OCRL: variants seen among roughly 807,000 people sequenced by gnomAD.
OCRL encodes inositol polyphosphate 5-phosphatase OCRL.
In OCRL, 8 loss-of-function variants were observed where a neutral mutation model predicts 78.9. The ratio of observed to expected loss-of-function variants is 0.10; its 90% CI spans 0.06 to 0.18. The LOEUF (loss-of-function observed/expected upper bound fraction) is 0.18. Ranked by LOEUF, OCRL falls within the 10% of genes least tolerant of loss-of-function variation. The pLI is 1.00. For missense variants in OCRL, 454 were observed against 696.7 expected (o/e 0.65, Z 3.92); for synonymous variants, 240 against 235.4 (o/e 1.02, Z -0.18).
Position 129,590,288 on chromosome X carries a change from G to C in OCRL, c.*18G>C. 1 of 1,209,863 alleles carries C rather than the reference G, an allele frequency of 8.3e-7. No homozygotes were observed. Among genetic ancestry groups the C allele is most frequent in the Non-Finnish European group, 1.1e-6 (1 of 894,385 alleles). The stretch of plus-strand genomic sequence containing the variant: ...AAGACTAAGGCTTTTACTGTTCTCT[G>C]ATATTCTAGAAGCAGACGATCTCGG... On this transcript the variant is annotated 3_prime_UTR_variant, in exon 24 of 24. Coordinates refer to ENST00000371113, the MANE Select transcript of OCRL (RefSeq NM_000276.4).
chrX:129,587,767 G>C (rs998323533), intron 20 of OCRL, among the ~76,000 whole-genome samples: 19 of 108,718 alleles, frequency 1.7e-4, no homozygotes, highest in Non-Finnish European at 2.7e-4. Context: ...AGGCATGGTG[G>C]CTCATGCCTG....
chrX:129,548,604 G>A lies in OCRL; in HGVS notation c.238+3G>A, dbSNP rs916418013. 3 of 1,191,251 alleles carry A rather than the reference G, an allele frequency of 2.5e-6. No homozygotes were observed. The highest frequency in any genetic ancestry group is 3.0e-5 in the East Asian group (1 of 33,679). On this transcript the variant is annotated splice_donor_region_variant and intron_variant, in intron 4 of 23. Coordinates refer to ENST00000371113, the MANE Select transcript of OCRL (RefSeq NM_000276.4). ...TTTGATTGACATAGCTTCTAACAGT[G>A]AGTATCTTTCTGAATGTGCTTGATT...
chrX:129,566,235 G>A (rs951091799), intron 13 of OCRL, among the ~76,000 whole-genome samples: 3 of 111,895 alleles, frequency 2.7e-5, no homozygotes, highest in Non-Finnish European at 5.6e-5. Context: ...ATGTGGTTTG[G>A]CAGATGGAAC....
At chrX:129,590,052 G>A in intron 23 of OCRL, 94 bp from the exon 24 acceptor site, 2 of 1,175,592 alleles carry the variant, frequency 1.7e-6, no homozygotes, top group Non-Finnish European at 1.2e-6. Context: ...GCACATGGCA[G>A]TCAATAGTCC....
Position 129,557,354 on chromosome X carries a change from T to G in OCRL, c.268T>G (p.Trp90Gly). The change falls in exon 5 of 24, where the codon TGG (tryptophan) becomes GGG (glycine). Residue 90 changes from tryptophan (W) to glycine (G), a missense_variant. Physicochemically the swap from Trp to Gly is radical, Grantham distance 184 (BLOSUM62 -2). This residue lies in a region of OCRL where 177 missense variants were observed against 179.6 expected (regional missense o/e 0.99). Coordinates refer to ENST00000371113, the MANE Select transcript of OCRL (RefSeq NM_000276.4). ...SGCKIRVQGD[W>G]IRERRFEIPD... is the part of the protein sequence containing the mutation. ...CTGCAAAATTCGGGTTCAGGGGGAC[T>G]GGATCAGAGAGCGCCGCTTTGAAAT... 8.3e-7 allele frequency: 1 copy of G among 1,211,811 alleles called. No individual in the cohort carries two copies. The highest frequency in any genetic ancestry group is 1.1e-6 in the Non-Finnish European group (1 of 895,421).
In OCRL at chrX:129,583,236, C is replaced by G. The variant is rs753633449; in HGVS notation, c.2116-1108C>G. Among the ~76,000 whole-genome samples the G allele has an allele frequency of 2.7e-5, 3 of 112,229 alleles. No individual in the cohort carries two copies. The South Asian group carries it at 1.1e-3, about 42-fold the overall frequency. On this transcript the variant is annotated intron_variant, in intron 18 of 23. Coordinates refer to ENST00000371113, the MANE Select transcript of OCRL (RefSeq NM_000276.4). ...ACCCAAGCCTGTCCAACACCAGTGCCTATACTCTTTCCATTAACCACGCTG... is the reference window on the plus strand; with the variant it reads ...ACCCAAGCCTGTCCAACACCAGTGCGTATACTCTTTCCATTAACCACGCTG...
chrX:129,564,696 G>T (rs886946876), intron 12 of OCRL, among the ~76,000 whole-genome samples: 1 of 105,648 alleles, frequency 9.5e-6, no homozygotes, highest in African/African-American at 3.5e-5. Flanking sequence ...ACAGGAAGGG[G>T]AACATCACAC....
At chrX:129,571,984 G>T (rs866602686) in intron 15 of OCRL, among the ~76,000 whole-genome samples, 2 of 111,739 alleles carry the variant, frequency 1.8e-5, no homozygotes, top group African/African-American at 6.5e-5. Flanking sequence ...GAAATGTCCT[G>T]TATCTGTGCT....
chrX:129,562,818 T>C, intron 12 of OCRL, 32 bp downstream of exon 12: 2 of 1,145,940 alleles, frequency 1.7e-6, no homozygotes, highest in South Asian at 1.8e-5. Flanking sequence ...AGCCTTTGAG[T>C]AGTGGCTACA....
At chrX:129,561,749 ATTTG>A (rs1936148478) in intron 10 of OCRL, among the ~76,000 whole-genome samples, 1 of 111,576 alleles carries the variant, frequency 9.0e-6, no homozygotes, top group Non-Finnish European at 1.9e-5. Context: ...AGATGGGCCA[ATTTG>A]TTTGTCTTTA....
chrX:129,586,093 C>A (rs1279471818), intron 19 of OCRL, among the ~76,000 whole-genome samples: 3 of 111,598 alleles, frequency 2.7e-5, no homozygotes, highest in Non-Finnish European at 5.6e-5. Context: ...TTTACTATTT[C>A]AAACATTTTT....
At chrX:129,561,125 TAGCC>T (rs1384064740) in intron 9 of OCRL, 50 bp from the exon 10 acceptor site, 1 of 770,437 alleles carries the variant, frequency 1.3e-6, no homozygotes, top group African/African-American at 2.1e-5. Context: ...GGACAGGAGG[TAGCC>T]AGAGATAATT....
At position 129,547,263 on chromosome X, in the gene OCRL, G is replaced by C. The variant is rs56360227; in HGVS notation, c.200-1300G>C. ...AAAACCGGCTGGGCGCGGTGGCTCA[G>C]GCCTGTAATCCCAGCACTTTGGGAG... On this transcript the variant is annotated intron_variant, in intron 3 of 23. Transcript: ENST00000371113. Among the ~76,000 whole-genome samples, 636 of 109,811 alleles carry C rather than the reference G, an allele frequency of 5.8e-3. 8 individuals carry two copies. The highest frequency in any genetic ancestry group is 9.3e-3 in the Non-Finnish European group (488 of 52,617).
chrX:129,575,901 T>A lies in OCRL; in HGVS notation c.1718T>A (p.Val573Glu). ...TGTCTGTCTGTTATTCCCCAGTTTGTGTTTGAAAATGTGAAGTTTCGGCAA... is the reference window on the plus strand; with the variant it reads ...TGTCTGTCTGTTATTCCCCAGTTTGAGTTTGAAAATGTGAAGTTTCGGCAA... ...PSLELSRREF[V>E]FENVKFRQLQ... Residue 573 changes from valine (V) to glutamate (E), a missense_variant, in exon 17 of 24, where the codon GTG (valine) becomes GAG (glutamate). Val to Glu is a moderately radical substitution (Grantham distance 121). Coordinates refer to ENST00000371113, the MANE Select transcript of OCRL (RefSeq NM_000276.4). 8.3e-7 allele frequency: 1 copy of A among 1,211,850 alleles called. No homozygotes were observed.
Position 129,540,296 on chromosome X carries a change from T to G in OCRL, c.-144T>G, listed in dbSNP as rs1654550589. On this transcript the variant is annotated 5_prime_UTR_variant, in exon 1 of 24. Transcript: ENST00000371113. ...AGATTCTCAGCTCCCAGCTCCCCGC[T>G]CCCGGCTCCCGGCGCCCGGCGCCCG... 1.6e-6 allele frequency: 1 copy of G among 644,547 alleles called. No homozygotes were observed. Among genetic ancestry groups the G allele is most frequent in the Non-Finnish European group, 2.4e-6 (1 of 414,637 alleles). 53.1% of individuals were successfully genotyped at this position (644,547 alleles called of 1,213,427 possible).
intron 19 of OCRL, among the ~76,000 whole-genome samples, chrX:129,585,024 G>A (rs1228249935): frequency 8.9e-6 from 1 of 112,299 alleles, no homozygotes; most frequent in African/African-American, 3.2e-5. Context: ...TCATGCTTTA[G>A]TTATTAACAC....
At chrX:129,569,081 A>T (rs1355623911) in intron 14 of OCRL, among the ~76,000 whole-genome samples, 183 bp from the exon 15 acceptor site, 1 of 112,058 alleles carries the variant, frequency 8.9e-6, no homozygotes, top group Admixed American at 9.4e-5. Flanking sequence ...AAACAAGCAA[A>T]TACAGTCCCT....
rs189445724 is a variant in OCRL, at chrX:129,559,492, C to T, written c.722+491C>T. Among the ~76,000 whole-genome samples, 107 of 112,104 alleles carry T rather than the reference C, an allele frequency of 9.5e-4. 1 individual carries two copies. Among genetic ancestry groups the T allele is most frequent in the Non-Finnish European group, 3.0e-4 (16 of 53,232 alleles). ...AGGATTACAGGCTTGAGCCACCGTGCTTGGCCTTCCCTTGGATTTTCTAAC... is the reference window on the plus strand; with the variant it reads ...AGGATTACAGGCTTGAGCCACCGTGTTTGGCCTTCCCTTGGATTTTCTAAC... On this transcript the variant is annotated intron_variant, in intron 8 of 23. Transcript: ENST00000371113.
chrX:129,555,006 T>A (rs867333201), intron 4 of OCRL, among the ~76,000 whole-genome samples: 2 of 96,309 alleles, frequency 2.1e-5, no homozygotes, highest in African/African-American at 3.7e-5. Flanking sequence ...TAAATAAAAA[T>A]AAGAGGGTTG....
Sources: allele counts gnomAD v4.1 joint callset (sites outside exome capture counted in the v4.1 genomes callset), GRCh38; gene constraint gnomAD v4.1.1; regional missense constraint gnomAD v4.1.1; transcripts MANE v1.5; gene names NCBI Gene and HGNC (gene_info 2026-07-23, HGNC 2026-07-21).